The following F11R variants were observed in gnomAD, a reference collection of about 807,000 sequenced individuals.
F11R encodes F11 receptor.
F11R carries 27 observed loss-of-function variants against 39.3 expected under a neutral mutation model. That is an observed-to-expected ratio of 0.69 (90% CI 0.51 to 0.95). F11R has a LOEUF of 0.95. Ranked by LOEUF, F11R falls within the 40% of genes least tolerant of loss-of-function variation. The probability of loss-of-function intolerance (pLI) is 0.00; values close to 1 mark genes in which losing one functional copy is unlikely to be tolerated. For missense variants in F11R, 335 were observed against 372.7 expected (o/e 0.90, Z 0.83); for synonymous variants, 131 against 144.9 (o/e 0.90, Z 0.69).
At chr1:160,999,002 G>A (rs1433201819) in intron 9 of F11R, 41 bp downstream of exon 9, 1 of 1,613,938 alleles carries the variant, frequency 6.2e-7, no homozygotes, top group Non-Finnish European at 8.5e-7. Context: ...CCTCACTCCA[G>A]CCCCAGGTGG....
chr1:161,016,453 C>G (rs1390169902), intron 1 of F11R, among the ~76,000 whole-genome samples: 2 of 148,692 alleles, frequency 1.3e-5, no homozygotes, highest in African/African-American at 2.5e-5. Flanking sequence ...TCCAGCCTGG[C>G]GACAGAGAGA....
chr1:161,008,655 G>A lies in F11R; in HGVS notation c.65-7302C>T, dbSNP rs139101670. Among the ~76,000 whole-genome samples, 279 of 152,186 alleles carry A rather than the reference G, an allele frequency of 1.8e-3. 2 individuals carry two copies. The highest frequency in any genetic ancestry group is 6.4e-3 in the African/African-American group (266 of 41,522). ...GCCTTTAGAGTTGGGTGATTCTATC[G>A]TTATCACCCATATTTACATGGGGAA... On this transcript the variant is annotated intron_variant, in intron 1 of 9. Transcript: ENST00000368026.
intron 1 of F11R, among the ~76,000 whole-genome samples, chr1:161,020,161 C>T (rs1571026521): frequency 6.6e-6 from 1 of 152,172 alleles, no homozygotes; most frequent in African/African-American, 2.4e-5. Context: ...ACAAACACAT[C>T]TAGAGACAGA....
chr1:160,999,602 G>A (rs1344335060), intron 7 of F11R, 38 bp downstream of exon 7: 2 of 1,579,634 alleles, frequency 1.3e-6, no homozygotes, highest in South Asian at 1.1e-5. Context: ...CTGGGATGGG[G>A]GCAGTACAAA....
chr1:161,000,072 C>A, intron 5 of F11R, 74 bp downstream of exon 5: 2 of 1,599,970 alleles, frequency 1.3e-6, no homozygotes. Flanking sequence ...ACCCTGTTGC[C>A]TGTTCTTCCT....
At chr1:161,003,301 T>G (rs1648604179) in intron 1 of F11R, among the ~76,000 whole-genome samples, 1 of 151,786 alleles carries the variant, frequency 6.6e-6, no homozygotes, top group African/African-American at 2.4e-5. Context: ...TTTTGTATTT[T>G]TAGTAGAGAC....
chr1:160,999,456 G>A (rs1164289959), intron 7 of F11R, 48 bp from the exon 8 acceptor site: 1 of 1,613,850 alleles, frequency 6.2e-7, no homozygotes, highest in East Asian at 2.2e-5. Context: ...ACAGAAGACA[G>A]CATGGCTTGG....
chr1:161,000,224 T>C lies in F11R; in HGVS notation c.513A>G (p.Ile171Met). ...TGCTTTTGGGATTCGTAGGCATCAC[T>C]ATCCCATCTTTGAACCAGGTGTATT... The part of the protein sequence containing the change: ...PSEYTWFKDG[I>M]VMPTNPKSTR... The change falls in exon 5 of 10, where the codon ATA becomes ATG. Residue 171 changes from isoleucine (I) to methionine (M), a missense_variant. Physicochemically the swap from Ile to Met is conservative, Grantham distance 10 (BLOSUM62 1). Transcript: ENST00000368026. The C allele has an allele frequency of 6.2e-7, 1 of 1,614,174 alleles. No individual in the cohort carries two copies. Among genetic ancestry groups the C allele is most frequent in the Non-Finnish European group, 8.5e-7 (1 of 1,180,034 alleles).
intron 1 of F11R, among the ~76,000 whole-genome samples, chr1:161,004,285 C>T (rs1401226712): frequency 6.6e-6 from 1 of 151,996 alleles, no homozygotes; most frequent in Non-Finnish European, 1.5e-5. Flanking sequence ...ATAGGCTGGG[C>T]ACGGTAGGTC....
rs1376187185 is a variant in F11R at position 160,999,035 on chromosome 1, A to G, written c.864+8T>C. ...TGGCCCACCCCTGCCCAGGGGAGGC[A>G]TACTCACTTCACTTCGGGCACTAGG... On this transcript the variant is annotated splice_region_variant and intron_variant, in intron 9 of 9. Coordinates refer to ENST00000368026, the MANE Select transcript of F11R (RefSeq NM_016946.6). 6.2e-7 allele frequency: 1 copy of G among 1,614,226 alleles called. No individual in the cohort carries two copies. Among genetic ancestry groups the G allele is most frequent in the South Asian group, 1.1e-5 (1 of 91,084 alleles).
chr1:160,998,740 G>C lies in F11R; in HGVS notation c.*131C>G. The stretch of plus-strand genomic sequence containing the variant: ...AGCTGACATTATTAAAAACACATCC[G>C]AAGAAGTAGGGGGCCCTGTGGGGTG... On this transcript the variant is annotated 3_prime_UTR_variant, in exon 10 of 10. Coordinates refer to ENST00000368026, the MANE Select transcript of F11R (RefSeq NM_016946.6). 2.4e-6 allele frequency: 2 copies of C among 826,404 alleles called. No homozygotes were observed. Among genetic ancestry groups the C allele is most frequent in the Non-Finnish European group, 4.0e-6 (2 of 499,856 alleles). The allele number at this position is 826,404 out of a possible 1,614,324, so 51.2% of individuals were successfully genotyped here. A position where few individuals can be genotyped will look rare whatever the true frequency, so the allele number is the denominator to read the frequency against.
rs1430337428 is a variant in F11R at position 161,001,133 on chromosome 1, G to C, written c.134-6C>G. 1 of 1,613,444 alleles carries C rather than the reference G, an allele frequency of 6.2e-7. No individual in the cohort carries two copies. Among genetic ancestry groups the C allele is most frequent in the South Asian group, 1.1e-5 (1 of 91,046 alleles). ...GGCACAGGACAACTTCACAGCTGCAGACAGGGTCAAAATGAGCCGAAGGAA... is the reference window on the plus strand; with the variant it reads ...GGCACAGGACAACTTCACAGCTGCACACAGGGTCAAAATGAGCCGAAGGAA... On this transcript the variant is annotated splice_polypyrimidine_tract_variant and splice_region_variant and intron_variant, in intron 2 of 9. Coordinates refer to ENST00000368026, the MANE Select transcript of F11R (RefSeq NM_016946.6).
At chr1:161,015,750 T>A (rs545385917) in intron 1 of F11R, among the ~76,000 whole-genome samples, 1 of 152,096 alleles carries the variant, frequency 6.6e-6, no homozygotes, top group South Asian at 2.1e-4. Context: ...ATGCCTCTTT[T>A]TGTGTCAGAA....
At chr1:161,005,329 T>C (rs371890854) in intron 1 of F11R, among the ~76,000 whole-genome samples, 40 of 144,622 alleles carry the variant, frequency 2.8e-4, no homozygotes, top group African/African-American at 9.7e-4. Flanking sequence ...TCCTCCCTCC[T>C]TTCTCACTCT....
chr1:161,000,364 A>G lies in F11R; in HGVS notation c.389-16T>C, dbSNP rs1462572076. 7 of 1,612,278 alleles carry G rather than the reference A, an allele frequency of 4.3e-6. No homozygotes were observed. Among genetic ancestry groups the G allele is most frequent in the Non-Finnish European group, 5.9e-6 (7 of 1,179,502 alleles). ...GATGGAGGCACTGTGGAAGAGAAAG[A>G]CAGAAGGTGCTGAGTACAGGGTGGG... On this transcript the variant is annotated splice_polypyrimidine_tract_variant and intron_variant, in intron 4 of 9. Transcript: ENST00000368026.
intron 1 of F11R, among the ~76,000 whole-genome samples, chr1:161,002,794 C>T (rs1041352740): frequency 1.3e-5 from 2 of 151,820 alleles, no homozygotes; most frequent in South Asian, 4.1e-4. Flanking sequence ...TAAATTTTGG[C>T]ATTAATGTTT....
chr1:161,013,913 C>T (rs1406934179), intron 1 of F11R, among the ~76,000 whole-genome samples: 1 of 152,208 alleles, frequency 6.6e-6, no homozygotes, highest in Non-Finnish European at 1.5e-5. Flanking sequence ...GCCCAGCACC[C>T]ACTTCCTGCC....
intron 7 of F11R, 62 bp downstream of exon 7, chr1:160,999,578 A>T (rs967355388): frequency 3.5e-5 from 53 of 1,519,926 alleles, no homozygotes; most frequent in Non-Finnish European, 4.6e-5. Flanking sequence ...CTCAGATGAC[A>T]CCCATGCCAG....
Position 161,000,725 on chromosome 1 carries a change from G to A in F11R, c.294C>T (p.Ser98=), listed in dbSNP as rs1315217632. The A allele has an allele frequency of 7.4e-6, 12 of 1,613,960 alleles. No individual in the cohort carries two copies. In the South Asian group the frequency reaches 7.7e-5, roughly 10 times the overall value. ...ATGTCCCAGTGTCTTCCCGTGTCACGGACTTGAAGGTGATACCAGTTGGCA... is the reference window on the plus strand; with the variant it reads ...ATGTCCCAGTGTCTTCCCGTGTCACAGACTTGAAGGTGATACCAGTTGGCA... ...TFLPTGITFK[S]VTREDTGTYT... Residue 98 remains serine, a synonymous_variant, in exon 4 of 10, where the codon TCC becomes TCT. Transcript: ENST00000368026.
Sources: gnomAD v4.1 joint callset for allele counts (sites outside exome capture counted in the v4.1 genomes callset) on GRCh38, gnomAD v4.1.1 for gene constraint, MANE v1.5 for transcripts, NCBI Gene and HGNC (gene_info 2026-07-23, HGNC 2026-07-21) for gene names.